The following GREB1 variants were observed in gnomAD, a reference collection of about 807,000 sequenced individuals.
GREB1 encodes the protein protein GREB1.
Under a neutral mutation model 200.7 loss-of-function variants are expected in GREB1, and 106 were observed. That is an observed-to-expected ratio of 0.53 (90% CI 0.45 to 0.62). The LOEUF is 0.62. Ranked by LOEUF, GREB1 falls within the 20% of genes least tolerant of loss-of-function variation. GREB1 has a pLI of 0.00. For missense variants in GREB1, 2,243 were observed against 2,556.8 expected (o/e 0.88, Z 2.65); for synonymous variants, 1,132 against 1,092.4 (o/e 1.04, Z -0.72).
intron 10 of GREB1, chr2:11,591,419 G>A (rs375742495): frequency 1.4e-5 from 10 of 728,982 alleles, no homozygotes; most frequent in African/African-American, 6.9e-5. Context: ...AAATCCGGAC[G>A]TATAAACCAG....
At chr2:11,509,811 G>C (rs1294045407) in intron 1 of GREB1, among the ~76,000 whole-genome samples, 1 of 152,220 alleles carries the variant, frequency 6.6e-6, no homozygotes, top group Non-Finnish European at 1.5e-5. Flanking sequence ...CACTGAGTCT[G>C]CTGGTGCCAT....
chr2:11,489,967 T>A (rs1672742639), intron 1 of GREB1, among the ~76,000 whole-genome samples: 1 of 111,470 alleles, frequency 9.0e-6, no homozygotes, highest in Non-Finnish European at 2.0e-5. Context: ...TATTACTAGA[T>A]ATATAACAAA....
At chr2:11,602,603 G>A in intron 17 of GREB1, 61 bp downstream of exon 17, 2 of 1,466,098 alleles carry the variant, frequency 1.4e-6, no homozygotes, top group Non-Finnish European at 1.9e-6. Flanking sequence ...AAGTTGAGGT[G>A]CGTTTAGCCA....
At chr2:11,601,499 A>G (rs1287167199) in intron 16 of GREB1, among the ~76,000 whole-genome samples, 1 of 152,246 alleles carries the variant, frequency 6.6e-6, no homozygotes, top group Non-Finnish European at 1.5e-5. Context: ...TTTTCTCATC[A>G]AAATAGAAGA....
chr2:11,562,417 G>A, intron 2 of GREB1, 46 bp from the exon 3 acceptor site: 1 of 1,606,778 alleles, frequency 6.2e-7, no homozygotes, highest in African/African-American at 1.3e-5. Flanking sequence ...AAGCTCTGAG[G>A]CCAGACAGCA....
At chr2:11,576,603 G>T (rs1255977744) in intron 5 of GREB1, 68 bp downstream of exon 5, 3 of 1,245,490 alleles carry the variant, frequency 2.4e-6, no homozygotes, top group East Asian at 2.3e-5. Context: ...GTGCCTGTCG[G>T]TGTGATGCTG....
In GREB1 at chr2:11,629,329, T is replaced by C. The variant is rs1286001480; in HGVS notation, c.4450-619T>C. On this transcript the variant is annotated intron_variant, in intron 25 of 32. Transcript: ENST00000381486. The surrounding 1 kb of genome is among the most constrained non-coding windows in gnomAD (Gnocchi z 5.2). ...CGTGCACAGATGTGGGGTGTGAGGC[T>C]CCTGGGAAGTGGAGGCTGGAGGAGG... Among the ~76,000 whole-genome samples, 1 of 152,188 alleles carries C rather than the reference T, an allele frequency of 6.6e-6. No homozygotes were observed.
chr2:11,587,744 C>CG (rs1452766103), intron 9 of GREB1: 6 of 1,169,548 alleles, frequency 5.1e-6, no homozygotes, highest in African/African-American at 4.8e-5. Context: ...CACACACACG[C>CG]CACCTTTGGG....
rs34678522 is a variant in GREB1 at position 11,614,125 on chromosome 2, A to ATTT, written c.3123-949_3123-947dup. ...TTAATCTTTATCACAGCGGACTTAG[A>ATTT]TTTTTTTTTTTTTTTTTTTGAGACG... On this transcript the variant is annotated intron_variant, in intron 19 of 32. Transcript: ENST00000381486. Among the ~76,000 whole-genome samples, 152 of 99,540 alleles carry ATTT rather than the reference A, an allele frequency of 1.5e-3. 1 individual carries two copies. Among genetic ancestry groups the ATTT allele is most frequent in the African/African-American group, 4.2e-3 (148 of 35,386 alleles). The allele number at this position is 99,540 out of a possible 152,430, so 65.3% of individuals were successfully genotyped here.
intron 1 of GREB1, among the ~76,000 whole-genome samples, chr2:11,515,510 C>T (rs1194724980): frequency 6.6e-6 from 1 of 152,114 alleles, no homozygotes; most frequent in African/African-American, 2.4e-5. Context: ...GTGTTTCTGC[C>T]CCTCCGAGGT....
chr2:11,573,392 C>G (rs1678512535), intron 4 of GREB1, among the ~76,000 whole-genome samples: 1 of 152,200 alleles, frequency 6.6e-6, no homozygotes, highest in South Asian at 2.1e-4. Flanking sequence ...GATATCCACA[C>G]CCGGCAGGAA....
chr2:11,630,559 A>G (rs7564647), intron 26 of GREB1, among the ~76,000 whole-genome samples: 30,235 of 152,120 alleles, frequency 0.2, 3,388 homozygotes, highest in South Asian at 0.26. Flanking sequence ...CCTAGGGCCC[A>G]TTACCAACTC....
intron 7 of GREB1, among the ~76,000 whole-genome samples, chr2:11,582,875 G>T (rs985344290): frequency 6.6e-6 from 1 of 152,222 alleles, no homozygotes; most frequent in African/African-American, 2.4e-5. Flanking sequence ...TCACTGGTTC[G>T]CAATGGAGAA....
At chr2:11,489,463 G>GA (rs139562695) in intron 1 of GREB1, among the ~76,000 whole-genome samples, 4 of 150,582 alleles carry the variant, frequency 2.7e-5, no homozygotes, top group South Asian at 2.1e-4. Context: ...CGTCTTGGGG[G>GA]AAAAAAAAAT....
At chr2:11,601,381 C>T (rs998779803) in intron 16 of GREB1, among the ~76,000 whole-genome samples, 7 of 152,170 alleles carry the variant, frequency 4.6e-5, no homozygotes, top group Non-Finnish European at 7.3e-5. Flanking sequence ...TAGGAAGGTT[C>T]CTGTTTTCCC....
intron 1 of GREB1, among the ~76,000 whole-genome samples, chr2:11,507,366 G>A (rs1205028877): frequency 1.7e-4 from 24 of 140,472 alleles, no homozygotes; most frequent in African/African-American, 6.4e-4. Context: ...TGGAGATTGC[G>A]CCACTGCACT....
rs1323988839 is a variant in GREB1 at position 11,493,933 on chromosome 2, G to A, written c.-159+11552G>A. 6.6e-6 allele frequency among the ~76,000 whole-genome samples: 1 copy of A among 152,168 alleles called. No individual in the cohort carries two copies. Among genetic ancestry groups the A allele is most frequent in the Non-Finnish European group, 1.5e-5 (1 of 68,036 alleles). Reference sequence around the variant, plus strand: ...AGAATTTGAGCTGGTGTGTTTGGGGGCTTAGGAGAAATGAATCTGATGGAG... The same window carrying A: ...AGAATTTGAGCTGGTGTGTTTGGGGACTTAGGAGAAATGAATCTGATGGAG... On this transcript the variant is annotated intron_variant, in intron 1 of 2. Transcript: ENST00000628795. The surrounding 1 kb of genome is among the most constrained non-coding windows in gnomAD (Gnocchi z 4.6).
chr2:11,542,729 G>C (rs992946776), intron 1 of GREB1: 1 of 152,652 alleles, frequency 6.6e-6, no homozygotes, highest in Non-Finnish European at 1.5e-5. Context: ...CATGGAGAAA[G>C]AATCAAAGCG....
Position 11,597,776 on chromosome 2 carries a change from T to A in GREB1, c.1955-5T>A. 1 of 1,613,888 alleles carries A rather than the reference T, an allele frequency of 6.2e-7. No homozygotes were observed. ...TCACCTGGCATCCTGGGGCTCTGGT[T>A]CCAGGTTACAATCTGGAGCCACACA... On this transcript the variant is annotated splice_polypyrimidine_tract_variant and splice_region_variant and intron_variant, in intron 13 of 32. Coordinates refer to ENST00000381486, the MANE Select transcript of GREB1 (RefSeq NM_014668.4). This position sits in a 1 kb window ranked among gnomAD's most constrained non-coding sequence, Gnocchi z 4.1.
Sources: gnomAD v4.1 joint callset for allele counts (sites outside exome capture counted in the v4.1 genomes callset) on GRCh38, gnomAD v4.1.1 for gene constraint, Gnocchi (gnomAD v3.1) non-coding constraint, MANE v1.5 for transcripts, NCBI Gene and HGNC (gene_info 2026-07-23, HGNC 2026-07-21) for gene names.